PYROXD1: variants seen among roughly 807,000 people sequenced by gnomAD.
PYROXD1 encodes tRNA ligase complex-associated NAD(P)H dehydrogenase PYROXD1.
A neutral mutation model predicts 62.0 loss-of-function variants in PYROXD1; 42 were observed. That is an observed-to-expected ratio of 0.68 (90% confidence interval 0.53 to 0.88). The LOEUF (loss-of-function observed/expected upper bound fraction) is 0.88. Ranked by LOEUF, PYROXD1 falls within the 40% of genes least tolerant of loss-of-function variation. PYROXD1 has a pLI of 0.00. For missense variants in PYROXD1, 493 were observed against 604.8 expected (o/e 0.82, Z 1.94); for synonymous variants, 170 against 206.4 (o/e 0.82, Z 1.51).
intron 2 of PYROXD1, among the ~76,000 whole-genome samples, chr12:21,442,338 G>A (rs1043413301): frequency 6.6e-6 from 1 of 152,214 alleles, no homozygotes; most frequent in Non-Finnish European, 1.5e-5. Context: ...AATATGAGGT[G>A]AGGATGCTTG....
chr12:21,465,517 GT>G (rs895936853), intron 10 of PYROXD1, among the ~76,000 whole-genome samples: 2 of 148,760 alleles, frequency 1.3e-5, no homozygotes, highest in Non-Finnish European at 1.5e-5. Flanking sequence ...TGATGGGGTT[GT>G]TTTTTTTTTG....
chr12:21,452,002 G>T, intron 4 of PYROXD1, 79 bp from the exon 5 acceptor site: 1 of 815,236 alleles, frequency 1.2e-6, no homozygotes, highest in Non-Finnish European at 1.9e-6. Context: ...TACATTTTTA[G>T]AATATTATCG....
At position 21,471,158 on chromosome 12, in the gene PYROXD1, T is replaced by C; in HGVS notation, c.*2404T>C. ...TTGAAGGAATCACGGAAAACAAATT[T>C]ATAAAAGAAATAACTATATGCGCAG... On this transcript the variant is annotated 3_prime_UTR_variant, in exon 12 of 12. Transcript: ENST00000240651. The C allele has an allele frequency of 6.8e-7, 1 of 1,471,886 alleles. No homozygotes were observed. The allele number at this position is 1,471,886 out of a possible 1,614,324, so 91.2% of individuals were successfully genotyped here.
chr12:21,458,912 A>G (rs549074410), intron 7 of PYROXD1, among the ~76,000 whole-genome samples: 4 of 152,250 alleles, frequency 2.6e-5, no homozygotes, highest in Non-Finnish European at 5.9e-5. Context: ...AGAGACACAA[A>G]GTGAGCACAT....
rs1942708027 is a variant in PYROXD1, at chr12:21,462,067, G to A, written c.940G>A (p.Val314Ile). The A allele has an allele frequency of 6.2e-7, 1 of 1,612,752 alleles. No homozygotes were observed. Among genetic ancestry groups the A allele is most frequent in the Non-Finnish European group, 8.5e-7 (1 of 1,179,500 alleles). ...NEKIYGCDFI[V>I]SATGVTPNVE... is the part of the protein sequence containing the mutation. ...AAAGATATATGGCTGCGATTTCATT[G>A]TCAGTGCTACAGGAGTTACACCAAA... The change falls in exon 9 of 12, where the codon GTC becomes ATC. Residue 314 changes from valine (V) to isoleucine (I), a missense_variant. By Grantham distance (29) the Val-to-Ile change is conservative (BLOSUM62 3). This residue lies in a region of PYROXD1 where 329 missense variants were observed against 446.6 expected (regional missense o/e 0.74). Coordinates refer to ENST00000240651, the MANE Select transcript of PYROXD1 (RefSeq NM_024854.5).
At chr12:21,454,066 A>G (rs933884415) in intron 5 of PYROXD1, among the ~76,000 whole-genome samples, 2 of 151,962 alleles carry the variant, frequency 1.3e-5, no homozygotes, top group African/African-American at 4.8e-5. Flanking sequence ...CTTATTAGGT[A>G]AAGCAAGGAG....
At chr12:21,455,323 A>G (rs761196662) in intron 6 of PYROXD1, 31 bp downstream of exon 6, 2 of 1,341,614 alleles carry the variant, frequency 1.5e-6, no homozygotes, top group Admixed American at 2.8e-5. Context: ...ATTAATTCTC[A>G]TACAAAACTT....
rs71043278 is a variant in PYROXD1, at chr12:21,462,460, CAA to C, written c.994-268_994-267del. Among the ~76,000 whole-genome samples the C allele has an allele frequency of 0.017, 2,510 of 144,344 alleles. 47 individuals are homozygous for C. Among genetic ancestry groups the C allele is most frequent in the African/African-American group, 0.052 (2,040 of 39,580 alleles). 94.7% of individuals were successfully genotyped at this position (144,344 alleles called of 152,430 possible). A position where few individuals can be genotyped will look rare whatever the true frequency, so the allele number is the denominator to read the frequency against. On this transcript the variant is annotated intron_variant, in intron 9 of 11. Transcript: ENST00000240651. Reference sequence around the variant, plus strand: ...TTTGCTTTTCAGCACTTGAAGCTTACAAAAAAAAAAAAAGAATATTCTTGTAG... The same window carrying C: ...TTTGCTTTTCAGCACTTGAAGCTTACAAAAAAAAAAAGAATATTCTTGTAG...
chr12:21,442,409 A>C (rs1252672978), intron 2 of PYROXD1, among the ~76,000 whole-genome samples: 5 of 152,206 alleles, frequency 3.3e-5, no homozygotes, highest in South Asian at 4.1e-4. Context: ...CAGCAGCTTC[A>C]GTGTCAGGGC....
chr12:21,466,747 C>G (rs566440695), intron 10 of PYROXD1, among the ~76,000 whole-genome samples: 38 of 152,210 alleles, frequency 2.5e-4, no homozygotes, highest in African/African-American at 8.9e-4. Flanking sequence ...TGCCAGTTTT[C>G]AAAGGGAATG....
intron 2 of PYROXD1, among the ~76,000 whole-genome samples, chr12:21,441,938 C>G (rs149889608): frequency 3.3e-5 from 5 of 152,352 alleles, no homozygotes; most frequent in Non-Finnish European, 7.3e-5. Context: ...GTTCTGGCAC[C>G]AGTGAGGGTG....
At chr12:21,437,955 AT>A in intron 1 of PYROXD1, 141 bp downstream of exon 1, 2 of 755,954 alleles carry the variant, frequency 2.6e-6, no homozygotes, top group Non-Finnish European at 4.2e-6. Context: ...TTGCTCCCAG[AT>A]TTTAGAAACT....
At chr12:21,460,428 TA>T (rs199964859) in intron 7 of PYROXD1, among the ~76,000 whole-genome samples, 54,776 of 144,012 alleles carry the variant, frequency 0.38, 10,554 homozygotes, top group Middle Eastern at 0.46. Flanking sequence ...TTATTTTATT[TA>T]TTTATTTTTT....
chr12:21,442,866 ATC>A (rs1942321435), intron 2 of PYROXD1, among the ~76,000 whole-genome samples: 1 of 152,092 alleles, frequency 6.6e-6, no homozygotes, highest in South Asian at 2.1e-4. Flanking sequence ...GCTCCTAGCT[ATC>A]TCCTAGTTTC....
At chr12:21,467,166 T>A (rs1381782302) in intron 10 of PYROXD1, 1 of 191,398 alleles carries the variant, frequency 5.2e-6, no homozygotes, top group Non-Finnish European at 1.1e-5. Context: ...TGACAAATTT[T>A]TGAAGAAGGG....
chr12:21,442,786 C>T (rs1012312092), intron 2 of PYROXD1, among the ~76,000 whole-genome samples: 2 of 152,236 alleles, frequency 1.3e-5, no homozygotes, highest in African/African-American at 2.4e-5. Context: ...GTTTCCTCTG[C>T]AGTGCAGGCC....
At chr12:21,453,353 A>G (rs953712150) in intron 5 of PYROXD1, among the ~76,000 whole-genome samples, 2 of 152,056 alleles carry the variant, frequency 1.3e-5, no homozygotes, top group Non-Finnish European at 2.9e-5. Context: ...AAATGGACCC[A>G]CATAATGTTA....
rs193216762 is a variant in PYROXD1 at position 21,465,473 on chromosome 12, G to A, written c.1117-2008G>A. ...TTTGGCTGCATAAATATCTTCTTTT[G>A]AGAAGTGTCTGTTCATATCCTTCGC... On this transcript the variant is annotated intron_variant, in intron 10 of 11. Transcript: ENST00000240651. 1.0e-3 allele frequency among the ~76,000 whole-genome samples: 155 copies of A among 151,890 alleles called. No homozygotes were observed. The South Asian group carries it at 0.011, about 11-fold the overall frequency.
At chr12:21,439,980 A>C (rs1942263324) in intron 1 of PYROXD1, among the ~76,000 whole-genome samples, 1 of 152,196 alleles carries the variant, frequency 6.6e-6, no homozygotes, top group Non-Finnish European at 1.5e-5. Context: ...ATTGAAGACA[A>C]ATGAAATATT....
Sources: gnomAD v4.1 joint callset for allele counts (sites outside exome capture counted in the v4.1 genomes callset) on GRCh38, gnomAD v4.1.1 for gene constraint, gnomAD v4.1.1 regional missense constraint, MANE v1.5 for transcripts, NCBI Gene and HGNC (gene_info 2026-07-23, HGNC 2026-07-21) for gene names.